Variants in EMC1 observed in about 807,000 individuals in gnomAD.
EMC1 encodes the protein KIAA0090.
Under a neutral mutation model 128.8 loss-of-function variants are expected in EMC1, and 103 were observed. The ratio of observed to expected loss-of-function variants is 0.80; its 90% CI spans 0.68 to 0.94. EMC1 has a LOEUF of 0.94. EMC1 is among the 40% of genes least tolerant of loss of function. The pLI is 0.00. For missense variants in EMC1, 1,083 were observed against 1,250.6 expected (o/e 0.87, Z 2.02); for synonymous variants, 442 against 490.4 (o/e 0.90, Z 1.30).
intron 21 of EMC1, 116 bp downstream of exon 21, chr1:19,220,648 T>C: frequency 1.4e-6 from 1 of 739,754 alleles, no homozygotes; most frequent in Non-Finnish European, 2.1e-6. Flanking sequence ...TGCCCCCTGC[T>C]ACATCCCCAG....
intron 1 of EMC1, 97 bp from the exon 2 acceptor site, chr1:19,245,127 C>G (rs933926072): frequency 7.4e-7 from 1 of 1,351,828 alleles, no homozygotes; most frequent in Admixed American, 1.8e-5. Context: ...CCATCACATT[C>G]ATTTTAGGAC....
chr1:19,222,021 A>G (rs2093435414), intron 20 of EMC1: 1 of 155,294 alleles, frequency 6.4e-6, no homozygotes, highest in Non-Finnish European at 1.4e-5. Flanking sequence ...AGATCGTGCC[A>G]CTGCACTCCA....
Position 19,230,951 on chromosome 1 carries a change from G to A in EMC1, c.1957C>T (p.Pro653Ser). The A allele has an allele frequency of 6.2e-7, 1 of 1,614,142 alleles. No individual in the cohort carries two copies. Residue 653 changes from proline (P) to serine (S), a missense_variant, in exon 17 of 23, where the codon CCA (proline) becomes TCA (serine). Pro to Ser is a moderately conservative substitution (Grantham distance 74). Around this residue, in one of 3 missense-constraint regions of EMC1, gnomAD observed 527 missense variants for 644.1 expected, o/e 0.82. Coordinates refer to ENST00000477853, the MANE Select transcript of EMC1 (RefSeq NM_015047.3). ...IDDEYKVTAF[P>S]ATRNVLRQLH... ...TGTCGCAAGACATTCCGAGTGGCTG[G>A]AAAAGCTGTGACCTTGAAAAACCCA...
rs1167141406 is a variant in EMC1 at position 19,243,716 on chromosome 1, G to C, written c.287-9C>G. The C allele has an allele frequency of 3.7e-6, 6 of 1,613,740 alleles. No individual in the cohort carries two copies. Among genetic ancestry groups the C allele is most frequent in the Non-Finnish European group, 4.2e-6 (5 of 1,179,746 alleles). ...GGACACAGTGATCACATCTGGAAAA[G>C]AAAAGATCGTGGTGAAGTCATTTCC... On this transcript the variant is annotated splice_polypyrimidine_tract_variant and intron_variant, in intron 3 of 22. Transcript: ENST00000477853.
chr1:19,231,447 C>T (rs1305485197), intron 15 of EMC1, 25 bp from the exon 16 acceptor site: 3 of 1,603,712 alleles, frequency 1.9e-6, no homozygotes, highest in African/African-American at 2.7e-5. Context: ...CTGTCAGGCT[C>T]CACCAACAAG....
At chr1:19,229,680 T>C (rs2093505444) in intron 17 of EMC1, among the ~76,000 whole-genome samples, 1 of 152,238 alleles carries the variant, frequency 6.6e-6, no homozygotes, top group Non-Finnish European at 1.5e-5. Flanking sequence ...GTGCTGTTTA[T>C]GCTAAGGTTA....
At chr1:19,233,158 T>C in intron 13 of EMC1, 23 bp from the exon 14 acceptor site, 1 of 1,601,744 alleles carries the variant, frequency 6.2e-7, no homozygotes, top group Non-Finnish European at 8.5e-7. Flanking sequence ...AAAAGTAACA[T>C]ACTCTACATC....
chr1:19,246,189 G>A (rs919504844), intron 1 of EMC1, among the ~76,000 whole-genome samples: 2 of 151,848 alleles, frequency 1.3e-5, no homozygotes, highest in Non-Finnish European at 2.9e-5. Context: ...TCAGGAGTTC[G>A]AGACCAGCTG....
intron 1 of EMC1, among the ~76,000 whole-genome samples, chr1:19,248,793 T>C (rs2093643608): frequency 6.6e-6 from 1 of 152,156 alleles, no homozygotes; most frequent in African/African-American, 2.4e-5. Context: ...TTACAGATGT[T>C]AGCCACTGCG....
chr1:19,239,329 C>A (rs1445708043), intron 8 of EMC1, 27 bp from the exon 9 acceptor site: 1 of 1,604,764 alleles, frequency 6.2e-7, no homozygotes, highest in African/African-American at 1.3e-5. Flanking sequence ...GCATCAGCTC[C>A]TAAATGGGAC....
chr1:19,219,878 A>G, intron 21 of EMC1, 180 bp from the exon 22 acceptor site: 1 of 614,794 alleles, frequency 1.6e-6, no homozygotes, highest in Non-Finnish European at 2.8e-6. Flanking sequence ...ACTACAAGAA[A>G]GGAAGCTCTC....
chr1:19,240,522 C>T (rs563620411), intron 6 of EMC1, 76 bp from the exon 7 acceptor site: 4 of 1,528,622 alleles, frequency 2.6e-6, no homozygotes, highest in African/African-American at 2.7e-5. Context: ...AGCAATATTG[C>T]TGCCAGCATC....
In EMC1 at chr1:19,233,025, G is replaced by C. The variant is rs1392305968; in HGVS notation, c.1543C>G (p.Gln515Glu). The C allele has an allele frequency of 6.2e-7, 1 of 1,614,158 alleles. No individual in the cohort carries two copies. The highest frequency in any genetic ancestry group is 1.7e-5 in the Admixed American group (1 of 60,024). The change falls in exon 14 of 23, where the codon CAG (glutamine) becomes GAG (glutamate). Residue 515 changes from glutamine (Q) to glutamate (E), a missense_variant. This residue lies in a region of EMC1 where 527 missense variants were observed against 644.1 expected (regional missense o/e 0.82). Coordinates refer to ENST00000477853, the MANE Select transcript of EMC1 (RefSeq NM_015047.3). ...TCAATGTTGATCTCATTCTTAATCT[G>C]ACTCCGGGGCTTCCGAGCATCATAA... ...MFYDARKPRS[Q>E]IKNEINIDTL...
rs747855639 is a variant in EMC1 at position 19,219,618 on chromosome 1, C to A, written c.2753G>T (p.Arg918Leu). 1 of 1,613,236 alleles carries A rather than the reference C, an allele frequency of 6.2e-7. No individual in the cohort carries two copies. The highest frequency in any genetic ancestry group is 1.1e-5 in the South Asian group (1 of 91,026). ...RFINYNQTVSRMRGIYTAPSG... is the reference protein window; with the variant it reads ...RFINYNQTVSLMRGIYTAPSG... ...GGGAGCTGTGTAGATACCTCGCATTCGAGAAACTGTCTGGTTATAGTTGAT... is the reference window on the plus strand; with the variant it reads ...GGGAGCTGTGTAGATACCTCGCATTAGAGAAACTGTCTGGTTATAGTTGAT... The change falls in exon 22 of 23, where the codon CGA becomes CTA. Residue 918 changes from arginine (R) to leucine (L), a missense_variant. Transcript: ENST00000477853.
At chr1:19,234,544 A>G (rs2093548483) in intron 13 of EMC1, among the ~76,000 whole-genome samples, 1 of 152,196 alleles carries the variant, frequency 6.6e-6, no homozygotes, top group Non-Finnish European at 1.5e-5. Flanking sequence ...CTATTACAAT[A>G]CCAAGTTAAG....
chr1:19,221,103 G>T, intron 20 of EMC1: 1 of 302,894 alleles, frequency 3.3e-6, no homozygotes, highest in South Asian at 6.3e-5. Context: ...TATGGATAAT[G>T]ATGAAAGAGA....
intron 15 of EMC1, among the ~76,000 whole-genome samples, chr1:19,231,937 A>G (rs1473684433): frequency 2.6e-5 from 4 of 152,114 alleles, no homozygotes; most frequent in Non-Finnish European, 5.9e-5. Context: ...TGCCAGTTCT[A>G]AACAAGAACT....
chr1:19,249,526 A>C (rs1272203324), intron 1 of EMC1, among the ~76,000 whole-genome samples: 1 of 152,182 alleles, frequency 6.6e-6, no homozygotes, highest in Non-Finnish European at 1.5e-5. Context: ...AACCATCTAG[A>C]TTTACATAAG....
At chr1:19,225,871 A>G (rs2093469351) in intron 18 of EMC1, among the ~76,000 whole-genome samples, 1 of 151,990 alleles carries the variant, frequency 6.6e-6, no homozygotes, top group Admixed American at 6.6e-5. Context: ...AGTATGTGGC[A>G]GGCACTATTC....
Sources: gnomAD v4.1 joint callset for allele counts (sites outside exome capture counted in the v4.1 genomes callset) on GRCh38, gnomAD v4.1.1 for gene constraint, gnomAD v4.1.1 regional missense constraint, MANE v1.5 for transcripts, NCBI Gene and HGNC (gene_info 2026-07-23, HGNC 2026-07-21) for gene names.